The following SOX5 variants were observed in gnomAD, a reference collection of about 807,000 sequenced individuals.
SOX5 encodes the protein transcription factor SOX-5.
A neutral mutation model predicts 92.0 loss-of-function variants in SOX5; 9 were observed. The ratio of observed to expected loss-of-function variants is 0.10; its 90% CI spans 0.06 to 0.17. The LOEUF is 0.17. Among genes scored for constraint, SOX5 ranks in the 10% least tolerant of loss-of-function variants. The probability of loss-of-function intolerance (pLI) is 1.00; values close to 1 mark genes in which losing one functional copy is unlikely to be tolerated. For synonymous variants in SOX5, 344 were observed against 336.3 expected (o/e 1.02, Z -0.25); for missense variants, 642 against 944.5 (o/e 0.68, Z 4.20).
intron 2 of SOX5, among the ~76,000 whole-genome samples, chr12:23,866,159 A>C (rs1421638806): frequency 6.6e-6 from 1 of 152,236 alleles, no homozygotes; most frequent in Non-Finnish European, 1.5e-5. Flanking sequence ...CTGTGTATAC[A>C]AACATTTACA....
intron 1 of SOX5, among the ~76,000 whole-genome samples, chr12:24,468,115 G>A (rs1180655666): frequency 2.6e-5 from 4 of 152,196 alleles, no homozygotes; most frequent in African/African-American, 9.7e-5. Context: ...TGAGTTGTCA[G>A]GACTTGGTGA....
chr12:23,607,376 T>A (rs1487511290), intron 8 of SOX5, among the ~76,000 whole-genome samples: 2 of 152,182 alleles, frequency 1.3e-5, no homozygotes, highest in Non-Finnish European at 2.9e-5. Context: ...GCATTCTAAC[T>A]TGGCCATTTA....
chr12:23,987,590 C>T (rs1022478176), intron 4 of SOX5, among the ~76,000 whole-genome samples: 2 of 152,060 alleles, frequency 1.3e-5, no homozygotes, highest in African/African-American at 4.8e-5. Context: ...TCTGGGAGTT[C>T]GAGAGCAGCC....
intron 2 of SOX5, among the ~76,000 whole-genome samples, chr12:24,284,024 T>A (rs1406045693): frequency 1.3e-5 from 2 of 152,242 alleles, no homozygotes; most frequent in Non-Finnish European, 2.9e-5. Context: ...TTGGGTTAAA[T>A]GGACGTTGCA....
At chr12:24,384,731 G>A (rs570590416) in intron 1 of SOX5, among the ~76,000 whole-genome samples, 3 of 152,296 alleles carry the variant, frequency 2.0e-5, no homozygotes, top group African/African-American at 7.2e-5. Context: ...CTTTGTGGGT[G>A]GAGGACATGA....
chr12:23,950,762 G>T, upstream of SOX5: 2 of 1,024,442 alleles, frequency 2.0e-6, no homozygotes, highest in Non-Finnish European at 2.9e-6. Flanking sequence ...CTCCATAGCA[G>T]TTCCAATTAT....
At chr12:23,705,582 A>T (rs1256943926) in intron 6 of SOX5, among the ~76,000 whole-genome samples, 1 of 151,986 alleles carries the variant, frequency 6.6e-6, no homozygotes, top group African/African-American at 2.4e-5. Context: ...AAAAGGAAAG[A>T]TCTGATGGGC....
At chr12:23,775,027 G>A (rs977071574) in intron 3 of SOX5, among the ~76,000 whole-genome samples, 5 of 151,994 alleles carry the variant, frequency 3.3e-5, no homozygotes, top group Non-Finnish European at 4.4e-5. Context: ...CATTTGTAAC[G>A]GCTATGACAA....
chr12:23,581,080 C>T (rs1949977612), intron 9 of SOX5, among the ~76,000 whole-genome samples: 1 of 151,886 alleles, frequency 6.6e-6, no homozygotes, highest in Non-Finnish European at 1.5e-5. Flanking sequence ...TTATAATGTA[C>T]AAATACCAAA....
At chr12:23,928,106 C>G (rs966297927) in intron 1 of SOX5, among the ~76,000 whole-genome samples, 2 of 151,988 alleles carry the variant, frequency 1.3e-5, no homozygotes, top group Admixed American at 6.6e-5. Context: ...TACAGCACAG[C>G]TCCCTGGAGA....
At chr12:24,362,970 C>A (rs573543826) in intron 2 of SOX5, among the ~76,000 whole-genome samples, 1 of 151,700 alleles carries the variant, frequency 6.6e-6, no homozygotes, top group Admixed American at 6.6e-5. Context: ...AGACCCAATT[C>A]CTCAAATTCA....
chr12:24,398,263 G>A (rs1003046006), intron 1 of SOX5, among the ~76,000 whole-genome samples: 1 of 152,182 alleles, frequency 6.6e-6, no homozygotes, highest in Admixed American at 6.5e-5. Flanking sequence ...CAACCCTTTG[G>A]AAGGCCAAGG....
intron 3 of SOX5, chr12:23,762,563 T>G (rs1265478265): frequency 1.2e-5 from 7 of 561,438 alleles, no homozygotes; most frequent in Non-Finnish European, 9.5e-6. Context: ...ATTGCCAAAA[T>G]ACTTGTTTGT....
chr12:23,749,545 A>G (rs2094117618), intron 4 of SOX5, among the ~76,000 whole-genome samples: 1 of 151,896 alleles, frequency 6.6e-6, no homozygotes, highest in South Asian at 2.1e-4. Context: ...AGTCTTCACC[A>G]CTGTTGCCCC....
intron 4 of SOX5, among the ~76,000 whole-genome samples, chr12:24,132,292 G>C (rs1949721559): frequency 6.6e-6 from 1 of 152,150 alleles, no homozygotes; most frequent in Non-Finnish European, 1.5e-5. Context: ...CAACTGGTAA[G>C]TAAATCATTC....
At chr12:24,450,460 T>G (rs999005982) in intron 1 of SOX5, among the ~76,000 whole-genome samples, 1 of 150,504 alleles carries the variant, frequency 6.6e-6, no homozygotes, top group Admixed American at 6.7e-5. Context: ...TTACTTCGAG[T>G]GTGTATTTAT....
chr12:23,957,619 T>A (rs1946429504), intron 4 of SOX5, among the ~76,000 whole-genome samples: 1 of 152,214 alleles, frequency 6.6e-6, no homozygotes, highest in Admixed American at 6.5e-5. Context: ...AAAACCTAGT[T>A]GTTATAATGC....
chr12:24,193,452 T>G (rs1956719266), intron 4 of SOX5, among the ~76,000 whole-genome samples: 1 of 152,238 alleles, frequency 6.6e-6, no homozygotes, highest in Admixed American at 6.5e-5. Context: ...ACATTTGCTA[T>G]CCTTGGCTGC....
At chr12:24,059,434 T>C (rs1391791) in intron 4 of SOX5, among the ~76,000 whole-genome samples, 38,094 of 152,090 alleles carry the variant, frequency 0.25, 5,134 homozygotes, top group Non-Finnish European at 0.29. Context: ...AAAACTCTAC[T>C]TGCCTAGTCC....
Sources: gnomAD v4.1 joint callset for allele counts (sites outside exome capture counted in the v4.1 genomes callset) on GRCh38, gnomAD v4.1.1 for gene constraint, MANE v1.5 for transcripts, NCBI Gene and HGNC (gene_info 2026-07-23, HGNC 2026-07-21) for gene names.